PSD3: variants seen among roughly 807,000 people sequenced by gnomAD.
PSD3 encodes the protein PH and SEC7 domain-containing protein 3.
Under a neutral mutation model 105.5 loss-of-function variants are expected in PSD3, and 49 were observed. The observed-to-expected ratio is 0.46, with a 90% CI of 0.37 to 0.59. The LOEUF is 0.59. PSD3 is among the 20% of genes least tolerant of loss of function. The probability of loss-of-function intolerance (pLI) is 0.00; values close to 1 mark genes in which losing one functional copy is unlikely to be tolerated. For synonymous variants in PSD3, 557 were observed against 457.8 expected (o/e 1.22, Z -2.77); for missense variants, 1,561 against 1,263.8 (o/e 1.24, Z -3.57).
chr8:18,538,070 C>CA (rs1277911127), intron 15 of PSD3, among the ~76,000 whole-genome samples: 17 of 152,226 alleles, frequency 1.1e-4, no homozygotes, highest in African/African-American at 3.6e-4. Flanking sequence ...AATAGGACAA[C>CA]ATGCTGCACC....
intron 1 of PSD3, among the ~76,000 whole-genome samples, chr8:19,062,571 C>T (rs887592532): frequency 2.6e-5 from 4 of 152,084 alleles, no homozygotes; most frequent in African/African-American, 7.2e-5. Context: ...GCTTTTTCTA[C>T]TTAAATCATT....
chr8:19,002,557 A>C (rs1163347232), intron 1 of PSD3, among the ~76,000 whole-genome samples: 1 of 152,086 alleles, frequency 6.6e-6, no homozygotes, highest in Non-Finnish European at 1.5e-5. Flanking sequence ...GTTTTTCTAT[A>C]GAAAAACACT....
chr8:18,645,206 C>A (rs1012957761), intron 10 of PSD3, among the ~76,000 whole-genome samples: 12 of 152,202 alleles, frequency 7.9e-5, no homozygotes, highest in African/African-American at 2.7e-4. Flanking sequence ...CACATGAACT[C>A]TGGGGACATG....
chr8:18,872,491 C>T lies in PSD3; in HGVS notation c.373G>A (p.Glu125Lys), dbSNP rs747906380. 8.7e-6 allele frequency: 14 copies of T among 1,614,056 alleles called. No homozygotes were observed. The highest frequency in any genetic ancestry group is 7.7e-5 in the South Asian group (7 of 91,062). ...GAGTCAATGGGCTGTAAACTTTGTT[C>T]CTTGAGATGACTTTGAGAGGGGGCC... ...REAPSQSHLK[E>K]QSLQPIDSLI... The change falls in exon 3 of 16, where the codon GAA becomes AAA. Residue 125 changes from glutamate to lysine, a missense_variant. Physicochemically the swap from Glu to Lys is moderately conservative, Grantham distance 56. Coordinates refer to ENST00000327040, the MANE Select transcript of PSD3 (RefSeq NM_015310.4).
At chr8:18,976,166 T>C (rs901949509) in intron 1 of PSD3, among the ~76,000 whole-genome samples, 1 of 147,780 alleles carries the variant, frequency 6.8e-6, no homozygotes, top group Non-Finnish European at 1.5e-5. Flanking sequence ...ACATTTGCAA[T>C]GCATAGGAGA....
chr8:18,530,905 T>G lies in PSD3; in HGVS notation c.*4838A>C, dbSNP rs1454929875. ...AGTTTAATAAAACAATACCACTATATATACTCTCAACAACTTCATTATATA... is the reference window on the plus strand; with the variant it reads ...AGTTTAATAAAACAATACCACTATAGATACTCTCAACAACTTCATTATATA... On this transcript the variant is annotated 3_prime_UTR_variant, in exon 16 of 16. Transcript: ENST00000327040. The G allele has an allele frequency of 6.6e-6, 1 of 152,224 alleles. No individual in the cohort carries two copies. The highest frequency in any genetic ancestry group is 1.5e-5 in the Non-Finnish European group (1 of 68,038). 9.4% of individuals were successfully genotyped at this position (152,224 alleles called of 1,614,324 possible). A position where few individuals can be genotyped will look rare whatever the true frequency, so the allele number is the denominator to read the frequency against.
At chr8:18,844,413 A>T (rs1178715306) in intron 4 of PSD3, among the ~76,000 whole-genome samples, 4 of 152,034 alleles carry the variant, frequency 2.6e-5, no homozygotes, top group African/African-American at 9.7e-5. Context: ...GTCCTAGGAG[A>T]TCTAACACCT....
intron 9 of PSD3, among the ~76,000 whole-genome samples, chr8:18,764,260 A>C (rs1429109468): frequency 6.6e-6 from 1 of 152,176 alleles, no homozygotes; most frequent in African/African-American, 2.4e-5. Flanking sequence ...TAGACTGAAA[A>C]AAGTCTTGTT....
At chr8:18,939,541 T>A (rs994266219) in intron 1 of PSD3, among the ~76,000 whole-genome samples, 16 of 151,546 alleles carry the variant, frequency 1.1e-4, no homozygotes, top group Non-Finnish European at 8.8e-5. Context: ...AGAGATGGGA[T>A]CTAGATATGT....
At chr8:18,683,953 A>G in intron 9 of PSD3, 1 of 753,776 alleles carries the variant, frequency 1.3e-6, no homozygotes, top group Non-Finnish European at 2.4e-6. Flanking sequence ...CAACTAAGGA[A>G]GGGGTTTAGA....
At chr8:18,922,883 C>G (rs1821122268) in intron 2 of PSD3, among the ~76,000 whole-genome samples, 1 of 152,160 alleles carries the variant, frequency 6.6e-6, no homozygotes, top group Non-Finnish European at 1.5e-5. Flanking sequence ...GCAGAGAGTT[C>G]CATGCCCTCT....
chr8:18,746,157 G>T (rs192284299), intron 9 of PSD3, among the ~76,000 whole-genome samples: 183 of 152,038 alleles, frequency 1.2e-3, no homozygotes, highest in African/African-American at 4.3e-3. Context: ...TTTCCTAATT[G>T]GTTTCCTACC....
At chr8:19,061,423 T>C (rs925781256) in intron 1 of PSD3, among the ~76,000 whole-genome samples, 1 of 152,192 alleles carries the variant, frequency 6.6e-6, no homozygotes, top group South Asian at 2.1e-4. Flanking sequence ...AGTATGTCGA[T>C]TGCAAATACT....
At chr8:18,732,766 G>C (rs1803860411) in intron 9 of PSD3, 1 of 152,108 alleles carries the variant, frequency 6.6e-6, no homozygotes, top group South Asian at 2.1e-4. Flanking sequence ...CCTGATGAAT[G>C]GAACAACATG....
At chr8:18,591,977 G>A (rs1258606348) in intron 12 of PSD3, among the ~76,000 whole-genome samples, 1 of 152,178 alleles carries the variant, frequency 6.6e-6, no homozygotes, top group Non-Finnish European at 1.5e-5. Context: ...TATACTGGAA[G>A]AGGTGGCTGA....
chr8:19,002,398 C>T (rs908746040), intron 1 of PSD3, among the ~76,000 whole-genome samples: 2 of 151,874 alleles, frequency 1.3e-5, no homozygotes, highest in African/African-American at 4.8e-5. Context: ...TTCCTATTAT[C>T]GCATTTATTT....
At chr8:18,775,423 T>C (rs1355801115) in intron 8 of PSD3, among the ~76,000 whole-genome samples, 3 of 152,198 alleles carry the variant, frequency 2.0e-5, no homozygotes, top group East Asian at 1.9e-4. Context: ...AGTTTTTCAA[T>C]GAGCATTCAC....
intron 10 of PSD3, among the ~76,000 whole-genome samples, chr8:18,654,008 T>G (rs1298018245): frequency 6.6e-6 from 1 of 152,172 alleles, no homozygotes; most frequent in African/African-American, 2.4e-5. Context: ...CTTTTGTTCA[T>G]GAGAAATAAG....
chr8:19,036,429 G>C (rs1468441599), intron 1 of PSD3, among the ~76,000 whole-genome samples: 1 of 152,112 alleles, frequency 6.6e-6, no homozygotes, highest in Non-Finnish European at 1.5e-5. Flanking sequence ...CTCAAGTCTT[G>C]GAGGTCCCAT....
Sources: allele counts gnomAD v4.1 joint callset (sites outside exome capture counted in the v4.1 genomes callset), GRCh38; gene constraint gnomAD v4.1.1; transcripts MANE v1.5; gene names NCBI Gene and HGNC (gene_info 2026-07-23, HGNC 2026-07-21).